The following HMGN2 variants were observed in gnomAD, a reference collection of about 807,000 sequenced individuals.
HMGN2 encodes the protein high mobility group nucleosomal binding domain 2, also known as non-histone chromosomal protein HMG-17.
In HMGN2, 2 loss-of-function variants were observed where a neutral mutation model predicts 16.9. That is an observed-to-expected ratio of 0.12 (90% CI 0.05 to 0.37). HMGN2 has a LOEUF of 0.37. Ranked by LOEUF, HMGN2 falls within the 10% of genes least tolerant of loss-of-function variation. The pLI is 1.00. For missense variants in HMGN2, 90 were observed against 106.0 expected, an observed-to-expected ratio of 0.85 and a Z score of 0.66; for synonymous variants, 31 against 34.9, an observed-to-expected ratio of 0.89 and a Z score of 0.39.
intron 4 of HMGN2, 129 bp downstream of exon 4, chr1:26,474,264 T>G (rs1041701521): frequency 2.9e-6 from 2 of 679,946 alleles, no homozygotes; most frequent in African/African-American, 3.6e-5. Context: ...ACCTCGTCCG[T>G]GTCATTCATA....
chr1:26,474,542 G>C (rs1262817914), intron 4 of HMGN2, 30 bp from the exon 5 acceptor site: 2 of 1,043,950 alleles, frequency 1.9e-6, no homozygotes, highest in South Asian at 2.6e-5. Flanking sequence ...GAAATGGGGA[G>C]AAACAGTTCT....
At chr1:26,474,367 TTC>T (rs2075594499) in intron 4 of HMGN2, among the ~76,000 whole-genome samples, 2 of 152,236 alleles carry the variant, frequency 1.3e-5, no homozygotes, top group Admixed American at 1.3e-4. Context: ...TAATTTATTC[TTC>T]TGTTACTTAG....
At position 26,474,285 on chromosome 1, in the gene HMGN2, C is replaced by T. The variant is rs1019778601; in HGVS notation, c.141+150C>T. The T allele has an allele frequency of 5.2e-4, 330 of 640,662 alleles. 2 individuals carry two copies. Among genetic ancestry groups the T allele is most frequent in the East Asian group, 6.3e-4 (23 of 36,564 alleles). 39.7% of individuals were successfully genotyped at this position (640,662 alleles called of 1,614,324 possible). ...TCCGTGTCATTCATAACGTTGGTTT[C>T]CTGATCAAGAATTCTGTTGTTAGTT... is the stretch of plus-strand genomic sequence containing the variant. On this transcript the variant is annotated intron_variant, in intron 4 of 5. Coordinates refer to ENST00000361427, the MANE Select transcript of HMGN2 (RefSeq NM_005517.4).
chr1:26,474,094 C>A lies in HMGN2; in HGVS notation c.100C>A (p.Pro34Thr). Residue 34 changes from proline to threonine, a missense_variant, in exon 4 of 6, where the codon CCT (proline) becomes ACT (threonine). Pro to Thr is a conservative substitution (Grantham distance 38, BLOSUM62 -1). Coordinates refer to ENST00000361427, the MANE Select transcript of HMGN2 (RefSeq NM_005517.4). ...TTCCTGCCAAAAAAAGAAACCTGCT[C>A]CTCCAAAGCCAGAGCCCAAGCCTAA... ...RSARLSAKPA[P>T]PKPEPKPKKA... 6.2e-7 allele frequency: 1 copy of A among 1,611,362 alleles called. No homozygotes were observed. Among genetic ancestry groups the A allele is most frequent in the Non-Finnish European group, 8.5e-7 (1 of 1,179,232 alleles).
rs540382166 is a variant in HMGN2 at position 26,472,531 on chromosome 1, C to A, written c.-82C>A. ...GAGCAGTGTGAAGAAGAGGCGAGAA[C>A]GACCCCCGGACCGACCAAAGCCCGC... On this transcript the variant is annotated 5_prime_UTR_variant, in exon 1 of 6. Transcript: ENST00000361427. 3 of 1,509,578 alleles carry A rather than the reference C, an allele frequency of 2.0e-6. No individual in the cohort carries two copies. Among genetic ancestry groups the A allele is most frequent in the Non-Finnish European group, 1.8e-6 (2 of 1,125,702 alleles). The allele number at this position is 1,509,578 out of a possible 1,614,324, so 93.5% of individuals were successfully genotyped here.
Position 26,474,629 on chromosome 1 carries a change from A to G in HMGN2, c.199A>G (p.Asn67Asp). 1 of 1,589,784 alleles carries G rather than the reference A, an allele frequency of 6.3e-7. No individual in the cohort carries two copies. Among genetic ancestry groups the G allele is most frequent in the South Asian group, 1.1e-5 (1 of 90,006 alleles). Residue 67 changes from asparagine to aspartate, a missense_variant, in exon 5 of 6, where the codon AAT (asparagine) becomes GAT (aspartate). Asn to Asp is a conservative substitution (Grantham distance 23). Coordinates refer to ENST00000361427, the MANE Select transcript of HMGN2 (RefSeq NM_005517.4). The part of the protein sequence containing the change: ...KGKADAGKEG[N>D]NPAENGDAKT... ...AAAAGCTGATGCTGGCAAGGAGGGG[A>G]ATAACCCTGCAGAAAATGGAGATGC...
Position 26,474,685 on chromosome 1 carries a change from C to T in HMGN2, c.237+18C>T, listed in dbSNP as rs760593632. ...CAGACCAGGTATAACTGCTGTTTCA[C>T]CCTTTGTTAGATTTGTTCATTCAGT... On this transcript the variant is annotated intron_variant, in intron 5 of 5. Transcript: ENST00000361427. 7 of 1,199,658 alleles carry T rather than the reference C, an allele frequency of 5.8e-6. No homozygotes were observed. The highest frequency in any genetic ancestry group is 3.5e-5 in the Admixed American group (2 of 57,070). 74.3% of individuals were successfully genotyped at this position (1,199,658 alleles called of 1,614,324 possible).
intron 1 of HMGN2, chr1:26,473,257 C>A (rs1248315425): frequency 7.1e-6 from 4 of 562,934 alleles, no homozygotes; most frequent in East Asian, 3.0e-5. Context: ...GTGCGGGCTC[C>A]GCTGCCCTCC....
At chr1:26,473,455 T>A in intron 1 of HMGN2, 28 bp from the exon 2 acceptor site, 1 of 1,574,872 alleles carries the variant, frequency 6.3e-7, no homozygotes, top group South Asian at 1.1e-5. Flanking sequence ...CCTCAAAATC[T>A]GCAGTTTTTT....
rs1353583115 is a variant in HMGN2, at chr1:26,472,544, G to C, written c.-69G>C. ...AAGAGGCGAGAACGACCCCCGGACC[G>C]ACCAAAGCCCGCGCGCCGCTGCATC... On this transcript the variant is annotated 5_prime_UTR_variant, in exon 1 of 6. Coordinates refer to ENST00000361427, the MANE Select transcript of HMGN2 (RefSeq NM_005517.4). 1.2e-5 allele frequency: 18 copies of C among 1,530,502 alleles called. No individual in the cohort carries two copies. Among genetic ancestry groups the C allele is most frequent in the Non-Finnish European group, 1.4e-5 (16 of 1,144,496 alleles). 94.8% of individuals were successfully genotyped at this position (1,530,502 alleles called of 1,614,324 possible). A position where few individuals can be genotyped will look rare whatever the true frequency, so the allele number is the denominator to read the frequency against.
At chr1:26,474,233 T>C (rs2075593747) in intron 4 of HMGN2, 98 bp downstream of exon 4, 9 of 865,266 alleles carry the variant, frequency 1.0e-5, no homozygotes, top group South Asian at 1.6e-5. Context: ...TAATGGAGGT[T>C]ATAAACTGTG....
rs1441583731 is a variant in HMGN2 at position 26,472,534 on chromosome 1, C to G, written c.-79C>G. 1.3e-6 allele frequency: 2 copies of G among 1,515,114 alleles called. No homozygotes were observed. Among genetic ancestry groups the G allele is most frequent in the East Asian group, 4.9e-5 (2 of 40,684 alleles). 93.9% of individuals were successfully genotyped at this position (1,515,114 alleles called of 1,614,324 possible). A position where few individuals can be genotyped will look rare whatever the true frequency, so the allele number is the denominator to read the frequency against. On this transcript the variant is annotated 5_prime_UTR_variant, in exon 1 of 6. Coordinates refer to ENST00000361427, the MANE Select transcript of HMGN2 (RefSeq NM_005517.4). ...CAGTGTGAAGAAGAGGCGAGAACGA[C>G]CCCCGGACCGACCAAAGCCCGCGCG...
Position 26,472,735 on chromosome 1 carries a change from C to G in HMGN2, c.15+108C>G, listed in dbSNP as rs367653099. On this transcript the variant is annotated intron_variant, in intron 1 of 5. Coordinates refer to ENST00000361427, the MANE Select transcript of HMGN2 (RefSeq NM_005517.4). ...CGGCGCCGAGCAGGAGCCAGCGCAG[C>G]CTCCCCGCGCGGGGGCTGGAGACGG... 213 of 1,006,270 alleles carry G rather than the reference C, an allele frequency of 2.1e-4. 1 individual carries two copies. In the East Asian group the frequency reaches 4.5e-3, roughly 21 times the overall value. 62.3% of individuals were successfully genotyped at this position (1,006,270 alleles called of 1,614,324 possible).
chr1:26,472,525 C>G lies in HMGN2; in HGVS notation c.-88C>G. Reference sequence around the variant, plus strand: ...GAGCCCGAGCAGTGTGAAGAAGAGGCGAGAACGACCCCCGGACCGACCAAA... The same window carrying G: ...GAGCCCGAGCAGTGTGAAGAAGAGGGGAGAACGACCCCCGGACCGACCAAA... On this transcript the variant is annotated 5_prime_UTR_variant, in exon 1 of 6. Transcript: ENST00000361427. 6.8e-7 allele frequency: 1 copy of G among 1,480,040 alleles called. No individual in the cohort carries two copies. The highest frequency in any genetic ancestry group is 9.1e-7 in the Non-Finnish European group (1 of 1,098,788). The allele number at this position is 1,480,040 out of a possible 1,614,324, so 91.7% of individuals were successfully genotyped here.
At chr1:26,473,413 C>G in intron 1 of HMGN2, 70 bp from the exon 2 acceptor site, 1 of 1,078,498 alleles carries the variant, frequency 9.3e-7, no homozygotes, top group Non-Finnish European at 1.4e-6. Context: ...TCATTTTTAG[C>G]ACTCTAAAGT....
rs931457549 is a variant in HMGN2 at position 26,474,195 on chromosome 1, A to T, written c.141+60A>T. ...GAATGAGGACTGTCCTTAGTGCCTT[A>T]ACTTAATTAGCATAATGGTGCCTCC... On this transcript the variant is annotated intron_variant, in intron 4 of 5. Coordinates refer to ENST00000361427, the MANE Select transcript of HMGN2 (RefSeq NM_005517.4). 164 of 1,261,410 alleles carry T rather than the reference A, an allele frequency of 1.3e-4. 1 individual carries two copies. The highest frequency in any genetic ancestry group is 2.7e-4 in the Middle Eastern group (1 of 3,712). 78.1% of individuals were successfully genotyped at this position (1,261,410 alleles called of 1,614,324 possible).
intron 1 of HMGN2, 120 bp downstream of exon 1, chr1:26,472,747 G>A (rs1055983133): frequency 5.5e-6 from 5 of 903,054 alleles, no homozygotes; most frequent in Non-Finnish European, 8.0e-6. Flanking sequence ...TCCCCGCGCG[G>A]GGGCTGGAGA....
At chr1:26,472,656 G>A (rs1557460289) in intron 1 of HMGN2, 29 bp downstream of exon 1, 8 of 1,521,868 alleles carry the variant, frequency 5.3e-6, no homozygotes, top group Non-Finnish European at 7.0e-6. Flanking sequence ...CCAGGCGCCG[G>A]GCCACCACTG....
At chr1:26,472,777 G>A in intron 1 of HMGN2, 150 bp downstream of exon 1, 2 of 692,852 alleles carry the variant, frequency 2.9e-6, no homozygotes, top group East Asian at 3.3e-5. Flanking sequence ...GCAGCTCGGG[G>A]CTAACCCTGA....
Sources: gnomAD v4.1 joint callset for allele counts (sites outside exome capture counted in the v4.1 genomes callset) on GRCh38, gnomAD v4.1.1 for gene constraint, MANE v1.5 for transcripts, NCBI Gene and HGNC (gene_info 2026-07-23, HGNC 2026-07-21) for gene names.